CCDC112: variants seen among roughly 807,000 people sequenced by gnomAD.
The protein encoded by CCDC112 is coiled-coil domain containing 112, also known as coiled-coil domain-containing protein 112.
A neutral mutation model predicts 66.3 loss-of-function variants in CCDC112; 40 were observed. The ratio of observed to expected loss-of-function variants is 0.60; its 90% CI spans 0.47 to 0.79. The LOEUF (loss-of-function observed/expected upper bound fraction) is 0.79, where lower values mean the gene tolerates loss of function less well. Ranked by LOEUF, CCDC112 falls within the 30% of genes least tolerant of loss-of-function variation. CCDC112 has a pLI of 0.00. For synonymous variants in CCDC112, 214 were observed against 197.2 expected, an observed-to-expected ratio of 1.09 and a Z score of -0.71; for missense variants, 659 against 603.8, an observed-to-expected ratio of 1.09 and a Z score of -0.96.
In CCDC112 at chr5:115,271,697, C is replaced by T. The variant is rs137897718; in HGVS notation, c.919-71G>A. ...TAATAGCCAAAAGTATTTTAAAATA[C>T]ATCAATTCCATCTTTCTAGAAAGAA... On this transcript the variant is annotated intron_variant, in intron 6 of 9. Coordinates refer to ENST00000379611, the MANE Select transcript of CCDC112 (RefSeq NM_001040440.3). The T allele has an allele frequency of 3.9e-4, 365 of 929,120 alleles. 2 individuals carry two copies. In the East Asian group the frequency reaches 8.2e-3, roughly 21 times the overall value. 57.6% of individuals were successfully genotyped at this position (929,120 alleles called of 1,614,324 possible). A position where few individuals can be genotyped will look rare whatever the true frequency, so the allele number is the denominator to read the frequency against.
intron 2 of CCDC112, among the ~76,000 whole-genome samples, chr5:115,284,216 TAAG>T (rs1408635225): frequency 6.6e-6 from 1 of 152,064 alleles, no homozygotes; most frequent in Non-Finnish European, 1.5e-5. Context: ...CACTGGTTAG[TAAG>T]AAGAACAATG....
intron 6 of CCDC112, among the ~76,000 whole-genome samples, chr5:115,274,209 A>G (rs1162351246): frequency 6.6e-6 from 1 of 152,170 alleles, no homozygotes; most frequent in Non-Finnish European, 1.5e-5. Flanking sequence ...GATAATCATA[A>G]TTAAGGAGAC....
At chr5:115,293,082 C>T (rs948275125) in intron 1 of CCDC112, among the ~76,000 whole-genome samples, 29 of 152,140 alleles carry the variant, frequency 1.9e-4, no homozygotes, top group African/African-American at 7.0e-4. Context: ...GGACATTACG[C>T]TAAGTGAAAC....
In CCDC112 at chr5:115,279,346, T is replaced by C. The variant is rs1038457449; in HGVS notation, c.361+301A>G. Among the ~76,000 whole-genome samples, 11 of 144,410 alleles carry C rather than the reference T, an allele frequency of 7.6e-5. 1 individual carries two copies. Among genetic ancestry groups the C allele is most frequent in the Admixed American group, 5.7e-4 (8 of 14,072 alleles). 94.7% of individuals were successfully genotyped at this position (144,410 alleles called of 152,430 possible). ...TCACTCTGCTTTTAAGAAATTTTAA[T>C]AGAATTTGGTGGTGTGTCAACCAAA... On this transcript the variant is annotated intron_variant, in intron 3 of 9. Transcript: ENST00000379611.
chr5:115,287,213 A>G (rs1374085547), intron 1 of CCDC112, among the ~76,000 whole-genome samples: 1 of 152,126 alleles, frequency 6.6e-6, no homozygotes, highest in African/African-American at 2.4e-5. Context: ...CTTTTTTATT[A>G]CAGTCATCTT....
chr5:115,277,864 G>A (rs540106608), intron 3 of CCDC112, among the ~76,000 whole-genome samples: 14 of 151,794 alleles, frequency 9.2e-5, no homozygotes, highest in Non-Finnish European at 1.8e-4. Context: ...ATCATCTTGG[G>A]GTATTTTATG....
At position 115,287,418 on chromosome 5, in the gene CCDC112, T is replaced by C. The variant is rs535499509; in HGVS notation, c.118-2510A>G. ...AGTTATTTATGCTACTCAACTTTTA[T>C]GGGAGGCTATTGTTTTGAACAGAGC... is the stretch of plus-strand genomic sequence containing the variant. On this transcript the variant is annotated intron_variant, in intron 1 of 9. Transcript: ENST00000379611. Among the ~76,000 whole-genome samples the C allele has an allele frequency of 3.3e-4, 51 of 152,338 alleles. 1 individual carries two copies. Among genetic ancestry groups the C allele is most frequent in the African/African-American group, 1.2e-3 (51 of 41,580 alleles).
intron 1 of CCDC112, among the ~76,000 whole-genome samples, chr5:115,294,071 C>G (rs1317123221): frequency 6.6e-6 from 1 of 152,086 alleles, no homozygotes. Context: ...AAATAATATA[C>G]AAATATTAAA....
chr5:115,288,859 T>C (rs1749798654), intron 1 of CCDC112, among the ~76,000 whole-genome samples: 2 of 152,316 alleles, frequency 1.3e-5, no homozygotes. Flanking sequence ...ATTCCCTCCT[T>C]CTTAAAAATG....
chr5:115,275,646 C>T, intron 5 of CCDC112, 40 bp from the exon 6 acceptor site: 1 of 1,383,792 alleles, frequency 7.2e-7, no homozygotes, highest in South Asian at 1.4e-5. Flanking sequence ...GAAGACAATC[C>T]ATATTAACCC....
chr5:115,275,824 C>A (rs1749184886), intron 5 of CCDC112, among the ~76,000 whole-genome samples, 170 bp downstream of exon 5: 1 of 151,948 alleles, frequency 6.6e-6, no homozygotes, highest in South Asian at 2.1e-4. Context: ...TAAAATTTCG[C>A]TTTAAATATG....
chr5:115,273,054 T>C (rs1392188072), intron 6 of CCDC112, among the ~76,000 whole-genome samples: 1 of 152,226 alleles, frequency 6.6e-6, no homozygotes, highest in Non-Finnish European at 1.5e-5. Flanking sequence ...ATTTAGTCCA[T>C]GGACCAAGTC....
intron 3 of CCDC112, 144 bp downstream of exon 3, chr5:115,279,503 A>G: frequency 1.2e-6 from 1 of 806,350 alleles, no homozygotes; most frequent in South Asian, 1.7e-5. Context: ...ACCAACTAAA[A>G]TACAGAGAAT....
rs377146034 is a variant in CCDC112, at chr5:115,276,998, G to A, written c.418C>T (p.His140Tyr). The A allele has an allele frequency of 9.3e-6, 15 of 1,609,498 alleles. 1 individual carries two copies. The South Asian group carries it at 1.2e-4, about 13-fold the overall frequency. Reference protein sequence around the residue: ...KIHNNVKKLQHQLKDVKPTPD... With the variant: ...KIHNNVKKLQYQLKDVKPTPD... Reference sequence around the variant, plus strand: ...GTAGGCTTCACATCTTTTAATTGATGCTGAAGTTTCTTTACATTATTATGT... The same window carrying A: ...GTAGGCTTCACATCTTTTAATTGATACTGAAGTTTCTTTACATTATTATGT... The change falls in exon 4 of 10, where the codon CAT (histidine) becomes TAT (tyrosine). Residue 140 changes from histidine (H) to tyrosine (Y), a missense_variant. His to Tyr is a moderately conservative substitution (Grantham distance 83, BLOSUM62 2). Coordinates refer to ENST00000379611, the MANE Select transcript of CCDC112 (RefSeq NM_001040440.3).
intron 1 of CCDC112, among the ~76,000 whole-genome samples, chr5:115,287,655 T>C (rs889299568): frequency 2.7e-5 from 4 of 149,908 alleles, no homozygotes; most frequent in African/African-American, 9.8e-5. Flanking sequence ...TTTACCTTCA[T>C]AAGTTACCCG....
At chr5:115,276,093 A>G (rs1749196815) in intron 4 of CCDC112, 24 bp from the exon 5 acceptor site, 2 of 1,526,502 alleles carry the variant, frequency 1.3e-6, no homozygotes, top group Non-Finnish European at 1.8e-6. Flanking sequence ...ACGGAAAATT[A>G]TTTTGTGCCA....
chr5:115,290,082 A>G (rs1749857576), intron 1 of CCDC112, among the ~76,000 whole-genome samples: 1 of 152,230 alleles, frequency 6.6e-6, no homozygotes. Context: ...CTACTGACTG[A>G]CCAAAGGTCA....
chr5:115,279,611 C>A lies in CCDC112; in HGVS notation c.361+36G>T, dbSNP rs971279099. The A allele has an allele frequency of 5.6e-6, 9 of 1,603,934 alleles. No individual in the cohort carries two copies. The African/African-American group carries it at 1.2e-4, about 21-fold the overall frequency. On this transcript the variant is annotated intron_variant, in intron 3 of 9. Transcript: ENST00000379611. Reference sequence around the variant, plus strand: ...AGGGTAAAACTACAACTTTATATCGCTCAACAGTTTTTAGTTCATCACAAA... The same window carrying A: ...AGGGTAAAACTACAACTTTATATCGATCAACAGTTTTTAGTTCATCACAAA...
chr5:115,271,061 C>G, intron 7 of CCDC112, 152 bp downstream of exon 7: 1 of 644,646 alleles, frequency 1.6e-6, no homozygotes, highest in Non-Finnish European at 2.6e-6. Flanking sequence ...CTATAACCTA[C>G]TAGAAGTTAG....
Sources: gnomAD v4.1 joint callset for allele counts (sites outside exome capture counted in the v4.1 genomes callset) on GRCh38, gnomAD v4.1.1 for gene constraint, MANE v1.5 for transcripts, NCBI Gene and HGNC (gene_info 2026-07-23, HGNC 2026-07-21) for gene names.